BEAN1: variants seen among roughly 807,000 people sequenced by gnomAD.
BEAN1 encodes brain expressed associated with NEDD4 1.
BEAN1 carries 17 observed loss-of-function variants against 17.7 expected under a neutral mutation model. The ratio of observed to expected loss-of-function variants is 0.96; its 90% CI spans 0.66 to 1.44. The LOEUF (loss-of-function observed/expected upper bound fraction) is 1.44, where lower values mean the gene tolerates loss of function less well. Ranked by LOEUF, BEAN1 falls within the 40% of genes most tolerant of loss-of-function variation. BEAN1 has a pLI of 0.00. For synonymous variants in BEAN1, 142 were observed against 151.8 expected (o/e 0.94, Z 0.47); for missense variants, 359 against 374.1 (o/e 0.96, Z 0.33).
chr16:66,443,927 C>T (rs1343338534), intron 2 of BEAN1, among the ~76,000 whole-genome samples: 9 of 152,152 alleles, frequency 5.9e-5, no homozygotes, highest in East Asian at 1.9e-4. Flanking sequence ...CCACCTGCCT[C>T]GGCCTCCCAA....
At chr16:66,450,366 C>T (rs1307713097) in intron 2 of BEAN1, among the ~76,000 whole-genome samples, 1 of 152,168 alleles carries the variant, frequency 6.6e-6, no homozygotes, top group Non-Finnish European at 1.5e-5. Flanking sequence ...GAATGAGGGT[C>T]TGTTTCTAAG....
chr16:66,477,811 T>C, intron 4 of BEAN1, 101 bp downstream of exon 4: 1 of 1,300,454 alleles, frequency 7.7e-7, no homozygotes, highest in South Asian at 1.6e-5. Context: ...CTGCATGTCG[T>C]ATAAATGCAG....
chr16:66,437,007 C>T (rs531068571), intron 1 of BEAN1, among the ~76,000 whole-genome samples: 8 of 152,280 alleles, frequency 5.3e-5, no homozygotes, highest in Non-Finnish European at 7.3e-5. Context: ...TAGTTAGAAG[C>T]TGTGTGCCCT....
chr16:66,433,734 G>A (rs887946559), intron 1 of BEAN1, among the ~76,000 whole-genome samples: 1 of 152,236 alleles, frequency 6.6e-6, no homozygotes, highest in African/African-American at 2.4e-5. Context: ...GGCAGCAACT[G>A]AGCAGAGGCT....
chr16:66,445,199 G>A (rs904652011), intron 2 of BEAN1, among the ~76,000 whole-genome samples: 6 of 152,172 alleles, frequency 3.9e-5, no homozygotes, highest in Middle Eastern at 3.4e-3. Context: ...TGAGGTGGCC[G>A]GGCGTGGTGG....
chr16:66,448,794 G>A (rs1422061308), intron 2 of BEAN1, among the ~76,000 whole-genome samples: 1 of 152,166 alleles, frequency 6.6e-6, no homozygotes, highest in Non-Finnish European at 1.5e-5. Flanking sequence ...CTGCACTCGG[G>A]CAACAGAACG....
chr16:66,428,635 G>C (rs1961673543), intron 1 of BEAN1: 1 of 152,234 alleles, frequency 6.6e-6, no homozygotes, highest in Non-Finnish European at 1.5e-5. Flanking sequence ...TGGAACATGG[G>C]GAAGGTGAGT....
chr16:66,431,780 G>A (rs771776107), intron 1 of BEAN1, among the ~76,000 whole-genome samples: 2 of 151,514 alleles, frequency 1.3e-5, no homozygotes, highest in African/African-American at 2.4e-5. Flanking sequence ...CTTTAGACTG[G>A]ACTGAAAGTC....
At chr16:66,428,492 T>C (rs904545702) in intron 1 of BEAN1, 3 of 152,394 alleles carry the variant, frequency 2.0e-5, no homozygotes, top group Admixed American at 6.5e-5. Flanking sequence ...AGTTTCCTCA[T>C]CTGAAAGTAA....
At chr16:66,466,723 G>A (rs758214180) in intron 2 of BEAN1, among the ~76,000 whole-genome samples, 3 of 152,036 alleles carry the variant, frequency 2.0e-5, no homozygotes, top group Non-Finnish European at 4.4e-5. Context: ...CCACCACCAC[G>A]CCCGGGTAAA....
chr16:66,480,127 G>A (rs1359052531), intron 4 of BEAN1, among the ~76,000 whole-genome samples: 1 of 152,134 alleles, frequency 6.6e-6, no homozygotes, highest in Non-Finnish European at 1.5e-5. Context: ...CGGGGCAATG[G>A]GTGCTCTTTT....
chr16:66,459,991 C>T (rs1399239142), intron 2 of BEAN1, among the ~76,000 whole-genome samples: 2 of 152,190 alleles, frequency 1.3e-5, no homozygotes, highest in Non-Finnish European at 2.9e-5. Flanking sequence ...GGGAGCAGCT[C>T]CCCTGGGATG....
chr16:66,438,806 C>T (rs35748389), intron 2 of BEAN1, among the ~76,000 whole-genome samples: 16,897 of 152,086 alleles, frequency 0.11, 1,020 homozygotes, highest in Middle Eastern at 0.25. Context: ...TTCCCTGAGC[C>T]CCCCCCAAAC....
chr16:66,464,433 C>T (rs1963194403), intron 2 of BEAN1, among the ~76,000 whole-genome samples: 1 of 152,088 alleles, frequency 6.6e-6, no homozygotes, highest in Admixed American at 6.6e-5. Context: ...CTCCGTCTTC[C>T]AGGCTCAAAC....
At chr16:66,470,097 G>A (rs1963419423) in intron 3 of BEAN1, 1 of 632,094 alleles carries the variant, frequency 1.6e-6, no homozygotes, top group South Asian at 2.0e-5. Context: ...CTGAAGGTCA[G>A]AGGGAGAGTG....
exon 5 of BEAN1, chr16:66,493,027 C>T: frequency 1.4e-6 from 1 of 702,992 alleles, no homozygotes; most frequent in South Asian, 1.5e-5. Context: ...TGGACGCCAT[C>T]CTGGGCAGGC....
intron 2 of BEAN1, among the ~76,000 whole-genome samples, chr16:66,459,130 C>A (rs1255896274): frequency 6.6e-6 from 1 of 152,168 alleles, no homozygotes; most frequent in Non-Finnish European, 1.5e-5. Context: ...GGGCAGAGGC[C>A]GTGGGCTCAG....
chr16:66,436,270 T>C (rs1317134671), intron 1 of BEAN1, among the ~76,000 whole-genome samples: 4 of 143,722 alleles, frequency 2.8e-5, no homozygotes, highest in African/African-American at 7.6e-5. Flanking sequence ...TCTTTTCTTT[T>C]TTTTTTTTTT....
Position 66,434,531 on chromosome 16 carries a change from A to G in BEAN1, c.-82-3064A>G, listed in dbSNP as rs1450432083. On this transcript the variant is annotated intron_variant, in intron 1 of 4. Transcript: ENST00000536005. This position sits in a 1 kb window ranked among gnomAD's most constrained non-coding sequence, Gnocchi z 4.3. ...CCAGCTCCTATTTTAGGACCCCCCA[A>G]AGTCCCTCCATGTGTTTTCCAAGGG... Among the ~76,000 whole-genome samples, 1 of 152,094 alleles carries G rather than the reference A, an allele frequency of 6.6e-6. No homozygotes were observed. The highest frequency in any genetic ancestry group is 1.5e-5 in the Non-Finnish European group (1 of 68,002).
Sources: allele counts gnomAD v4.1 joint callset (sites outside exome capture counted in the v4.1 genomes callset), GRCh38; gene constraint gnomAD v4.1.1; non-coding constraint Gnocchi (gnomAD v3.1); transcripts MANE v1.5; gene names NCBI Gene and HGNC (gene_info 2026-07-23, HGNC 2026-07-21).